The following KCNK2 variants were observed in gnomAD, a reference collection of about 807,000 sequenced individuals.
KCNK2 encodes potassium two pore domain channel subfamily K member 2.
KCNK2 carries 21 observed loss-of-function variants against 40.5 expected under a neutral mutation model. That is an observed-to-expected ratio of 0.52 (90% CI 0.37 to 0.75). The LOEUF is 0.75. KCNK2 is among the 30% of genes least tolerant of loss of function. The pLI, the probability that KCNK2 is intolerant of heterozygous loss-of-function variation, is 0.00. For synonymous variants in KCNK2, 191 were observed against 202.2 expected, an observed-to-expected ratio of 0.94 and a Z score of 0.47; for missense variants, 399 against 531.6, an observed-to-expected ratio of 0.75 and a Z score of 2.45.
chr1:215,208,880 T>G (rs1665432395), intron 6 of KCNK2, among the ~76,000 whole-genome samples: 1 of 151,924 alleles, frequency 6.6e-6, no homozygotes, highest in Non-Finnish European at 1.5e-5. Context: ...CAGGCTGGAG[T>G]GCAGTGGCAC....
chr1:215,150,701 T>A (rs1436412155), intron 3 of KCNK2, among the ~76,000 whole-genome samples: 1 of 152,088 alleles, frequency 6.6e-6, no homozygotes, highest in Non-Finnish European at 1.5e-5. Context: ...TTCCATATTT[T>A]AATCATGCAT....
At chr1:215,171,686 A>G (rs1663715755) in intron 4 of KCNK2, among the ~76,000 whole-genome samples, 1 of 152,144 alleles carries the variant, frequency 6.6e-6, no homozygotes, top group South Asian at 2.1e-4. Flanking sequence ...TTCTCAGGGC[A>G]AATGTAATTT....
chr1:215,124,563 G>A (rs959737814), intron 2 of KCNK2, 70 bp from the exon 3 acceptor site: 6 of 871,196 alleles, frequency 6.9e-6, no homozygotes, highest in African/African-American at 3.3e-5. Flanking sequence ...CATTTCTGGG[G>A]TGGAATATAT....
intron 5 of KCNK2, among the ~76,000 whole-genome samples, chr1:215,194,496 G>C (rs551563207): frequency 1.3e-5 from 2 of 152,266 alleles, no homozygotes; most frequent in African/African-American, 4.8e-5. Flanking sequence ...TTGTTCACTT[G>C]CTGTTCAGTT....
chr1:215,141,803 AT>A (rs1203433486), intron 3 of KCNK2, among the ~76,000 whole-genome samples: 1 of 151,956 alleles, frequency 6.6e-6, no homozygotes, highest in Non-Finnish European at 1.5e-5. Context: ...TGCTGTTTTC[AT>A]TTTTTAAGAG....
chr1:215,094,264 A>G, intron 2 of KCNK2, among the ~76,000 whole-genome samples: 1 of 152,032 alleles, frequency 6.6e-6, no homozygotes, highest in South Asian at 2.1e-4. Flanking sequence ...TTTTAGGGAC[A>G]TAAAAATAGC....
At chr1:215,192,359 C>T (rs1334553763) in intron 5 of KCNK2, among the ~76,000 whole-genome samples, 1 of 152,108 alleles carries the variant, frequency 6.6e-6, no homozygotes, top group African/African-American at 2.4e-5. Flanking sequence ...GCTTAGACTC[C>T]ACTAAAACTT....
intron 1 of KCNK2, among the ~76,000 whole-genome samples, chr1:215,083,986 G>A (rs1382618738): frequency 1.3e-5 from 2 of 152,172 alleles, no homozygotes; most frequent in Non-Finnish European, 2.9e-5. Context: ...ATCAAATGGC[G>A]TGGAGGTGGA....
chr1:215,133,335 C>G (rs1312033566), intron 3 of KCNK2, among the ~76,000 whole-genome samples: 1 of 152,178 alleles, frequency 6.6e-6, no homozygotes, highest in African/African-American at 2.4e-5. Context: ...TCATGAAGTT[C>G]ATGCCCTGAA....
intron 4 of KCNK2, among the ~76,000 whole-genome samples, chr1:215,171,770 T>G (rs1663718802): frequency 1.3e-5 from 2 of 152,140 alleles, no homozygotes. Context: ...CATTGATTGA[T>G]TTATTGATGA....
intron 5 of KCNK2, among the ~76,000 whole-genome samples, chr1:215,172,784 G>C (rs1400686763): frequency 6.6e-6 from 1 of 151,970 alleles, no homozygotes; most frequent in Non-Finnish European, 1.5e-5. Context: ...AGCCTCCTGA[G>C]TAGCTGGGAT....
chr1:215,225,466 T>C (rs886316704), intron 6 of KCNK2, among the ~76,000 whole-genome samples: 3 of 152,228 alleles, frequency 2.0e-5, no homozygotes, highest in Non-Finnish European at 2.9e-5. Flanking sequence ...TATCAAAGGA[T>C]ATGAAGATTT....
At chr1:215,009,289 C>A (rs79925672) in intron 1 of KCNK2, among the ~76,000 whole-genome samples, 8,019 of 152,118 alleles carry the variant, frequency 0.053, 682 homozygotes, top group African/African-American at 0.18. Flanking sequence ...CTTAAACTGG[C>A]TTAAGCAATG....
Position 215,120,838 on chromosome 1 carries a change from C to G in KCNK2, c.358-3795C>G, listed in dbSNP as rs902302772. ...TATTTCTTCACTTATTACCTCTGTT[C>G]CATCCCCTGTATGTTTATTGCTATC... On this transcript the variant is annotated intron_variant, in intron 2 of 6. Coordinates refer to ENST00000444842, the MANE Select transcript of KCNK2 (RefSeq NM_001017425.3). Among the ~76,000 whole-genome samples, 5 of 152,256 alleles carry G rather than the reference C, an allele frequency of 3.3e-5. No homozygotes were observed. In the East Asian group the frequency reaches 7.7e-4, roughly 23 times the overall value.
chr1:215,022,130 A>ATCTATCTATCTATCTATCTAG (rs1558059696), intron 1 of KCNK2, among the ~76,000 whole-genome samples: 561 of 17,278 alleles, frequency 0.032, 7 homozygotes, highest in East Asian at 0.11. Context: ...TATCTATCTA[A>ATCTATCTATCTATCTATCTAG]TCATCTATCT....
At chr1:215,140,043 T>C (rs1662106978) in intron 3 of KCNK2, among the ~76,000 whole-genome samples, 1 of 152,202 alleles carries the variant, frequency 6.6e-6, no homozygotes, top group Admixed American at 6.5e-5. Flanking sequence ...ATCATTGGTC[T>C]TTATGGATGT....
intron 6 of KCNK2, among the ~76,000 whole-genome samples, chr1:215,231,231 G>A (rs1666651600): frequency 6.6e-6 from 1 of 152,216 alleles, no homozygotes; most frequent in Non-Finnish European, 1.5e-5. Flanking sequence ...AGGTGCCAAT[G>A]ATAAGGTGCT....
Position 215,234,727 on chromosome 1 carries a change from T to C in KCNK2, c.964-101T>C, listed in dbSNP as rs562607322. The C allele has an allele frequency of 4.3e-5, 51 of 1,178,684 alleles. No homozygotes were observed. The East Asian group carries it at 4.9e-4, about 11-fold the overall frequency. 73.0% of individuals were successfully genotyped at this position (1,178,684 alleles called of 1,614,324 possible). On this transcript the variant is annotated intron_variant, in intron 6 of 6. Transcript: ENST00000444842. ...AGTGCTGTAAAAGACTACTCCACTC[T>C]TCTTTTTAAAATCCCAAAATAAAAT...
intron 3 of KCNK2, among the ~76,000 whole-genome samples, chr1:215,138,743 C>T (rs912346646): frequency 6.6e-6 from 1 of 152,152 alleles, no homozygotes; most frequent in Non-Finnish European, 1.5e-5. Flanking sequence ...TAAAGCCACT[C>T]TTGATGTGGA....
Sources: gnomAD v4.1 joint callset for allele counts (sites outside exome capture counted in the v4.1 genomes callset) on GRCh38, gnomAD v4.1.1 for gene constraint, MANE v1.5 for transcripts, NCBI Gene and HGNC (gene_info 2026-07-23, HGNC 2026-07-21) for gene names.